Variants in TAX1BP1 observed in about 807,000 individuals in gnomAD.
The protein encoded by TAX1BP1 is Tax1 binding protein 1.
In TAX1BP1, 62 loss-of-function variants were observed where a neutral mutation model predicts 97.7. That is an observed-to-expected ratio of 0.63 (90% CI 0.52 to 0.78). TAX1BP1 has a LOEUF of 0.78. TAX1BP1 is among the 30% of genes least tolerant of loss of function. The pLI is 0.00. For synonymous variants in TAX1BP1, 340 were observed against 304.2 expected, an observed-to-expected ratio of 1.12 and a Z score of -1.23; for missense variants, 867 against 916.1, an observed-to-expected ratio of 0.95 and a Z score of 0.69.
intron 7 of TAX1BP1, among the ~76,000 whole-genome samples, chr7:27,786,289 G>A (rs1354772772): frequency 2.6e-5 from 4 of 151,820 alleles, no homozygotes; most frequent in South Asian, 2.1e-4. Flanking sequence ...CCGCGACCAC[G>A]TCCGGCTAAT....
intron 3 of TAX1BP1, among the ~76,000 whole-genome samples, chr7:27,764,977 C>T (rs1431179018): frequency 1.6e-3 from 6 of 3,750 alleles, no homozygotes; most frequent in Non-Finnish European, 2.4e-3. Context: ...AAGAATTTCT[C>T]TTATCTTATA....
At chr7:27,748,975 G>T (rs997186423) in intron 2 of TAX1BP1, among the ~76,000 whole-genome samples, 1 of 152,012 alleles carries the variant, frequency 6.6e-6, no homozygotes, top group African/African-American at 2.4e-5. Context: ...AATAAAAAAA[G>T]ATCTTTTTCT....
At chr7:27,739,984 G>A (rs925015475), upstream of TAX1BP1, 3 of 152,254 alleles carry the variant, frequency 2.0e-5, no homozygotes, top group African/African-American at 7.2e-5. Context: ...AACGAAAATA[G>A]CAAGGACGAA....
intron 2 of TAX1BP1, among the ~76,000 whole-genome samples, chr7:27,754,507 G>A (rs1788137654): frequency 6.6e-6 from 1 of 151,558 alleles, no homozygotes; most frequent in South Asian, 2.1e-4. Flanking sequence ...CACTGTTAAT[G>A]TTTTAAGTAT....
intron 4 of TAX1BP1, among the ~76,000 whole-genome samples, 172 bp from the exon 5 acceptor site, chr7:27,769,504 A>G (rs938194856): frequency 2.0e-5 from 3 of 151,904 alleles, no homozygotes; most frequent in African/African-American, 7.2e-5. Flanking sequence ...TGATTGATGA[A>G]TTTTTCTAAC....
At position 27,769,928 on chromosome 7, in the gene TAX1BP1, C is replaced by T. The variant is rs1283250348; in HGVS notation, c.612+94C>T. On this transcript the variant is annotated intron_variant, in intron 5 of 16. Coordinates refer to ENST00000396319, the MANE Select transcript of TAX1BP1 (RefSeq NM_006024.7). ...CTGAACCAATTAAGTAAGTGAAAACCAGGTACTGAGAAAAGTAGCCTTTTA... is the reference window on the plus strand; with the variant it reads ...CTGAACCAATTAAGTAAGTGAAAACTAGGTACTGAGAAAAGTAGCCTTTTA... The T allele has an allele frequency of 8.0e-6, 10 of 1,257,052 alleles. No homozygotes were observed. In the African/African-American group the frequency reaches 1.1e-4, roughly 13 times the overall value. 77.9% of individuals were successfully genotyped at this position (1,257,052 alleles called of 1,614,324 possible).
chr7:27,816,803 C>T (rs1790784038), intron 14 of TAX1BP1, 87 bp from the exon 15 acceptor site: 1 of 1,495,574 alleles, frequency 6.7e-7, no homozygotes. Context: ...CAAAGTGGTT[C>T]TTTATATCCT....
At chr7:27,740,889 C>G (rs773370783) in intron 1 of TAX1BP1, among the ~76,000 whole-genome samples, 2 of 152,214 alleles carry the variant, frequency 1.3e-5, no homozygotes, top group Non-Finnish European at 2.9e-5. Context: ...CATTCCCCAC[C>G]CCGCCCCGTT....
At chr7:27,777,521 C>G (rs1789076510) in intron 5 of TAX1BP1, among the ~76,000 whole-genome samples, 1 of 152,066 alleles carries the variant, frequency 6.6e-6, no homozygotes. Flanking sequence ...GGCACTGTTC[C>G]CTGTAGTCCT....
intron 5 of TAX1BP1, among the ~76,000 whole-genome samples, chr7:27,781,908 AG>A (rs1407731642): frequency 6.6e-6 from 1 of 151,922 alleles, no homozygotes; most frequent in Non-Finnish European, 1.5e-5. Flanking sequence ...TAGTAGAGAC[AG>A]GGTTTCACCA....
intron 3 of TAX1BP1, among the ~76,000 whole-genome samples, chr7:27,765,127 C>T (rs564180150): frequency 2.3e-5 from 3 of 128,982 alleles, no homozygotes; most frequent in African/African-American, 5.8e-5. Context: ...GCGATCCTCC[C>T]GCTTCAGCCT....
chr7:27,803,309 C>G lies in TAX1BP1; in HGVS notation c.1764+3219C>G, dbSNP rs190050880. 29 of 912,484 alleles carry G rather than the reference C, an allele frequency of 3.2e-5. No homozygotes were observed. The East Asian group carries it at 6.6e-4, about 21-fold the overall frequency. 56.5% of individuals were successfully genotyped at this position (912,484 alleles called of 1,614,324 possible). On this transcript the variant is annotated intron_variant, in intron 13 of 16. Transcript: ENST00000396319. ...CAAATTTAGGAAAACAGTGAAATTTCTAAAAATTACGTGAAATGTTTATCT... is the reference window on the plus strand; with the variant it reads ...CAAATTTAGGAAAACAGTGAAATTTGTAAAAATTACGTGAAATGTTTATCT...
At chr7:27,770,281 T>C (rs1158714643) in intron 5 of TAX1BP1, among the ~76,000 whole-genome samples, 2 of 152,042 alleles carry the variant, frequency 1.3e-5, no homozygotes, top group African/African-American at 4.8e-5. Context: ...TGCTATGTTA[T>C]CCTAAGAAAC....
intron 13 of TAX1BP1, among the ~76,000 whole-genome samples, chr7:27,806,923 T>G (rs907131412): frequency 6.6e-6 from 1 of 152,176 alleles, no homozygotes; most frequent in East Asian, 1.9e-4. Flanking sequence ...CTGTTTTGTG[T>G]CTTTCAGGAA....
intron 15 of TAX1BP1, among the ~76,000 whole-genome samples, chr7:27,825,400 A>G (rs967157869): frequency 1.3e-5 from 2 of 152,162 alleles, no homozygotes; most frequent in African/African-American, 4.8e-5. Context: ...TTGCCTGTCA[A>G]TATCATGAGA....
intron 11 of TAX1BP1, 85 bp downstream of exon 11, chr7:27,794,531 G>A (rs1289014425): frequency 7.3e-7 from 1 of 1,372,582 alleles, no homozygotes; most frequent in Non-Finnish European, 9.6e-7. Flanking sequence ...AGAATTTCAG[G>A]ATGTTCATAA....
chr7:27,803,480 G>C (rs1218127933), intron 13 of TAX1BP1, among the ~76,000 whole-genome samples: 1 of 152,152 alleles, frequency 6.6e-6, no homozygotes, highest in African/African-American at 2.4e-5. Context: ...CCTTTTGGTG[G>C]TTCCCAATCC....
At chr7:27,804,102 C>A (rs10951181) in intron 13 of TAX1BP1, among the ~76,000 whole-genome samples, 24,841 of 151,956 alleles carry the variant, frequency 0.16, 2,374 homozygotes, top group African/African-American at 0.27. Context: ...TGATGCTTTC[C>A]AATGTTTACA....
intron 1 of TAX1BP1, 98 bp from the exon 2 acceptor site, chr7:27,748,420 A>G: frequency 1.2e-6 from 1 of 821,084 alleles, no homozygotes; most frequent in African/African-American, 1.8e-5. Flanking sequence ...ATGACATGCA[A>G]ATATTCATGA....
Sources: allele counts gnomAD v4.1 joint callset (sites outside exome capture counted in the v4.1 genomes callset), GRCh38; gene constraint gnomAD v4.1.1; transcripts MANE v1.5; gene names NCBI Gene and HGNC (gene_info 2026-07-23, HGNC 2026-07-21).